Variants in NAALADL2 observed in about 807,000 individuals in gnomAD.
NAALADL2 encodes N-acetylated alpha-linked acidic dipeptidase like 2.
NAALADL2 carries 76 observed loss-of-function variants against 87.2 expected under a neutral mutation model. The observed-to-expected ratio is 0.87, with a 90% CI of 0.72 to 1.05. The LOEUF is 1.05. NAALADL2 is among the 50% of genes least tolerant of loss of function. NAALADL2 has a pLI of 0.00. For synonymous variants in NAALADL2, 354 were observed against 331.0 expected, an observed-to-expected ratio of 1.07 and a Z score of -0.75; for missense variants, 1,089 against 945.8, an observed-to-expected ratio of 1.15 and a Z score of -1.99.
chr3:174,721,149 A>G (rs1363233178), intron 2 of NAALADL2, among the ~76,000 whole-genome samples: 1 of 152,204 alleles, frequency 6.6e-6, no homozygotes, highest in African/African-American at 2.4e-5. Flanking sequence ...TATGAATTCA[A>G]TATTTATGTG....
intron 1 of NAALADL2, among the ~76,000 whole-genome samples, chr3:174,947,796 G>A (rs1018072152): frequency 6.6e-6 from 1 of 151,796 alleles, no homozygotes; most frequent in African/African-American, 2.4e-5. Context: ...TCTTCTGTAT[G>A]TACATATTCT....
chr3:175,363,836 C>G (rs1176471749), intron 5 of NAALADL2, among the ~76,000 whole-genome samples: 1 of 147,948 alleles, frequency 6.8e-6, no homozygotes, highest in Non-Finnish European at 1.5e-5. Context: ...GTTTTGTAAT[C>G]TCTCAAATAT....
intron 11 of NAALADL2, among the ~76,000 whole-genome samples, chr3:175,682,680 A>G (rs1420541884): frequency 1.3e-5 from 2 of 152,044 alleles, no homozygotes; most frequent in African/African-American, 4.8e-5. Flanking sequence ...AACTTATTTT[A>G]TAGTCAGTAT....
chr3:175,022,821 C>T (rs1223383526), intron 1 of NAALADL2, among the ~76,000 whole-genome samples: 5 of 150,906 alleles, frequency 3.3e-5, no homozygotes, highest in African/African-American at 1.2e-4. Flanking sequence ...CCTGCATCAT[C>T]TTAAATGATT....
At chr3:174,483,352 A>G (rs919683455) in intron 1 of NAALADL2, among the ~76,000 whole-genome samples, 2 of 152,018 alleles carry the variant, frequency 1.3e-5, no homozygotes, top group Non-Finnish European at 2.9e-5. Context: ...AGGAAGGAGA[A>G]GTGCTGAGTG....
chr3:174,619,368 G>A (rs1284930035), intron 2 of NAALADL2, among the ~76,000 whole-genome samples: 6 of 151,986 alleles, frequency 3.9e-5, no homozygotes, highest in African/African-American at 1.4e-4. Context: ...TTGGAAGGTT[G>A]ATGCCAAGTT....
chr3:175,229,135 A>C (rs1005495403), intron 2 of NAALADL2, among the ~76,000 whole-genome samples: 2 of 151,940 alleles, frequency 1.3e-5, no homozygotes, highest in African/African-American at 4.8e-5. Flanking sequence ...TGACATATAC[A>C]TTATAACATG....
chr3:175,604,295 GA>G (rs1369144085), intron 10 of NAALADL2, among the ~76,000 whole-genome samples: 15 of 127,044 alleles, frequency 1.2e-4, no homozygotes, highest in Non-Finnish European at 1.9e-4. Context: ...ATATGACATT[GA>G]AATTTTTTTT....
At chr3:175,132,891 G>T (rs1728369412) in intron 2 of NAALADL2, among the ~76,000 whole-genome samples, 1 of 151,266 alleles carries the variant, frequency 6.6e-6, no homozygotes, top group African/African-American at 2.4e-5. Flanking sequence ...TCTCAGATGG[G>T]GCGGCTGCCG....
chr3:174,899,513 C>A (rs926605933), intron 1 of NAALADL2, among the ~76,000 whole-genome samples: 1 of 152,124 alleles, frequency 6.6e-6, no homozygotes, highest in African/African-American at 2.4e-5. Context: ...CCTCCACAGT[C>A]TCTCTCTTGC....
At chr3:175,788,613 G>T (rs1290557209) in intron 13 of NAALADL2, among the ~76,000 whole-genome samples, 1 of 152,104 alleles carries the variant, frequency 6.6e-6, no homozygotes, top group East Asian at 1.9e-4. Flanking sequence ...GCCATCACAT[G>T]TTTGCACAAT....
chr3:174,866,072 T>A (rs552302855), intron 1 of NAALADL2, among the ~76,000 whole-genome samples: 1 of 151,892 alleles, frequency 6.6e-6, no homozygotes, highest in South Asian at 2.1e-4. Context: ...CAAAAGAAAA[T>A]AATAAATTGT....
chr3:175,057,644 A>G (rs4349508), intron 1 of NAALADL2, among the ~76,000 whole-genome samples: 17,384 of 152,162 alleles, frequency 0.11, 1,133 homozygotes, highest in East Asian at 0.22. Flanking sequence ...GCTGGATTCA[A>G]GCAGTGAGAG....
chr3:175,184,879 G>A (rs1737096836), intron 2 of NAALADL2, among the ~76,000 whole-genome samples: 1 of 152,062 alleles, frequency 6.6e-6, no homozygotes, highest in Non-Finnish European at 1.5e-5. Flanking sequence ...ATGAGATAAT[G>A]CACGTTAAGC....
intron 2 of NAALADL2, among the ~76,000 whole-genome samples, chr3:174,660,582 T>C (rs533195464): frequency 3.3e-5 from 5 of 152,280 alleles, no homozygotes; most frequent in Non-Finnish European, 7.4e-5. Context: ...TCTCTGAGGA[T>C]ACGAAAGGAT....
intron 12 of NAALADL2, among the ~76,000 whole-genome samples, chr3:175,750,910 A>G (rs1746544523): frequency 6.6e-6 from 1 of 152,136 alleles, no homozygotes. Context: ...AATAACATAT[A>G]AAAAAGGACT....
At chr3:175,558,230 G>GAAA (rs1715664192) in intron 9 of NAALADL2, among the ~76,000 whole-genome samples, 1 of 142,556 alleles carries the variant, frequency 7.0e-6, no homozygotes, top group Non-Finnish European at 1.5e-5. Context: ...AAGAAAGAAA[G>GAAA]AAAAATGTCT....
intron 1 of NAALADL2, among the ~76,000 whole-genome samples, chr3:175,052,009 G>A (rs946423656): frequency 3.3e-5 from 5 of 152,282 alleles, no homozygotes; most frequent in Middle Eastern, 3.4e-3. Context: ...CAGGGGTCTC[G>A]CAACCTTCAG....
At chr3:174,751,934 T>G (rs1241134104) in intron 3 of NAALADL2, among the ~76,000 whole-genome samples, 1 of 152,114 alleles carries the variant, frequency 6.6e-6, no homozygotes, top group Non-Finnish European at 1.5e-5. Context: ...CTGGAAAATA[T>G]TTTAGAAGCA....
Sources: allele counts gnomAD v4.1 joint callset (sites outside exome capture counted in the v4.1 genomes callset), GRCh38; gene constraint gnomAD v4.1.1; transcripts MANE v1.5; gene names NCBI Gene and HGNC (gene_info 2026-07-23, HGNC 2026-07-21).